Variants in PLCXD3 observed in about 807,000 individuals in gnomAD.
PLCXD3 encodes the protein phosphatidylinositol specific phospholipase C X domain containing 3.
A neutral mutation model predicts 25.5 loss-of-function variants in PLCXD3; 19 were observed. The observed-to-expected ratio is 0.75, with a 90% CI of 0.52 to 1.09. The LOEUF is 1.09. Among genes scored for constraint, PLCXD3 ranks in the 50% least tolerant of loss-of-function variants. The pLI is 0.00. For missense variants in PLCXD3, 411 were observed against 388.1 expected (o/e 1.06, Z -0.50); for synonymous variants, 174 against 137.6 (o/e 1.26, Z -1.85).
intron 1 of PLCXD3, among the ~76,000 whole-genome samples, chr5:41,437,113 T>C (rs893751657): frequency 6.6e-6 from 1 of 152,214 alleles, no homozygotes; most frequent in African/African-American, 2.4e-5. Flanking sequence ...TCTTATCTTT[T>C]ATTTAATAAA....
rs554815028 is a variant in PLCXD3, at chr5:41,386,032, C to A, written c.104-3498G>T. On this transcript the variant is annotated intron_variant, in intron 1 of 2. Coordinates refer to ENST00000377801, the MANE Select transcript of PLCXD3 (RefSeq NM_001005473.3). ...TACACAGAAACTCTGTGTTGTTTTA[C>A]GCCACTAAATTCAGGGGTAATTGGT... is the stretch of plus-strand genomic sequence containing the variant. 1.9e-4 allele frequency among the ~76,000 whole-genome samples: 29 copies of A among 152,154 alleles called. 1 individual carries two copies. The South Asian group carries it at 5.8e-3, about 30-fold the overall frequency.
In PLCXD3 at chr5:41,313,642, A is replaced by G; in HGVS notation, c.941T>C (p.Phe314Ser). ...ISTVIKLNYV[F>S]DEGEANT ...TCAAGTGTTGGCTTCTCCTTCATCA[A>G]AGACATAGTTGAGCTTTATGACAGT... is the stretch of plus-strand genomic sequence containing the variant. The change falls in exon 3 of 3, where the codon TTT becomes TCT. Residue 314 changes from phenylalanine (F) to serine (S), a missense_variant. By Grantham distance (155) the Phe-to-Ser change is radical (BLOSUM62 -2). Coordinates refer to ENST00000377801, the MANE Select transcript of PLCXD3 (RefSeq NM_001005473.3). 1 of 1,613,856 alleles carries G rather than the reference A, an allele frequency of 6.2e-7. No individual in the cohort carries two copies. Among genetic ancestry groups the G allele is most frequent in the Non-Finnish European group, 8.5e-7 (1 of 1,179,820 alleles).
Position 41,382,139 on chromosome 5 carries a change from C to T in PLCXD3, c.499G>A (p.Gly167Arg). 1 of 1,613,660 alleles carries T rather than the reference C, an allele frequency of 6.2e-7. No individual in the cohort carries two copies. The highest frequency in any genetic ancestry group is 1.1e-5 in the South Asian group (1 of 91,066). ...AAAATCGCTGGGCACATTTTATTTC[C>T]ATAGATGTCTTTCAGCATTTGGACC... is the stretch of plus-strand genomic sequence containing the variant. ...KLVQMLKDIY[G>R]NKMCPAIFAQ... Residue 167 changes from glycine (G) to arginine (R), a missense_variant, in exon 2 of 3, where the codon GGA (glycine) becomes AGA (arginine). Coordinates refer to ENST00000377801, the MANE Select transcript of PLCXD3 (RefSeq NM_001005473.3).
At chr5:41,453,057 C>T (rs1747672394) in intron 1 of PLCXD3, among the ~76,000 whole-genome samples, 1 of 151,864 alleles carries the variant, frequency 6.6e-6, no homozygotes, top group Admixed American at 6.6e-5. Flanking sequence ...AAGTATACAA[C>T]ACACTGTAAT....
chr5:41,329,492 G>A (rs1037517059), intron 2 of PLCXD3, among the ~76,000 whole-genome samples: 3 of 152,182 alleles, frequency 2.0e-5, no homozygotes, highest in Non-Finnish European at 2.9e-5. Context: ...AGTATATGCA[G>A]TAACATAATT....
chr5:41,488,573 C>A (rs1301847526), intron 1 of PLCXD3, among the ~76,000 whole-genome samples: 1 of 143,700 alleles, frequency 7.0e-6, no homozygotes, highest in East Asian at 2.0e-4. Flanking sequence ...TATTTCTCCA[C>A]ATCCTCTCCA....
At chr5:41,375,578 C>T (rs1278535057) in intron 2 of PLCXD3, among the ~76,000 whole-genome samples, 1 of 152,134 alleles carries the variant, frequency 6.6e-6, no homozygotes, top group Non-Finnish European at 1.5e-5. Context: ...GCCCAGTCAT[C>T]TCTAACTCCC....
intron 1 of PLCXD3, among the ~76,000 whole-genome samples, chr5:41,509,555 G>A (rs1247524246): frequency 6.6e-6 from 1 of 152,124 alleles, no homozygotes; most frequent in Non-Finnish European, 1.5e-5. Context: ...TCTCTTCCTC[G>A]CTTTGTCCAC....
At chr5:41,464,061 T>C (rs1041462253) in intron 1 of PLCXD3, among the ~76,000 whole-genome samples, 1 of 152,038 alleles carries the variant, frequency 6.6e-6, no homozygotes, top group Non-Finnish European at 1.5e-5. Flanking sequence ...ATTTATCTAA[T>C]TGCCACTCAC....
intron 2 of PLCXD3, among the ~76,000 whole-genome samples, chr5:41,315,825 G>A (rs566284649): frequency 6.6e-6 from 1 of 152,168 alleles, no homozygotes; most frequent in Non-Finnish European, 1.5e-5. Context: ...ACCTAACTCA[G>A]CGGACGCCCA....
intron 1 of PLCXD3, among the ~76,000 whole-genome samples, chr5:41,459,981 C>A (rs1300604664): frequency 6.6e-6 from 1 of 151,826 alleles, no homozygotes; most frequent in East Asian, 1.9e-4. Flanking sequence ...AGATAAAGCA[C>A]CAAGAAACAA....
intron 2 of PLCXD3, among the ~76,000 whole-genome samples, chr5:41,342,296 G>A (rs547822621): frequency 6.6e-6 from 1 of 152,296 alleles, no homozygotes; most frequent in East Asian, 1.9e-4. Context: ...CAGAGGTGCT[G>A]TTTTAGGTGT....
In PLCXD3 at chr5:41,373,439, A is replaced by C. The variant is rs1745187849; in HGVS notation, c.812+8387T>G. Among the ~76,000 whole-genome samples, 4 of 152,168 alleles carry C rather than the reference A, an allele frequency of 2.6e-5. 1 individual carries two copies. The South Asian group carries it at 8.3e-4, about 32-fold the overall frequency. On this transcript the variant is annotated intron_variant, in intron 2 of 2. Transcript: ENST00000377801. ...ATAAATGCAAACGTCCCATTTTGTG[A>C]ATATTCATAGATTCTTCTGTAAACT...
chr5:41,458,124 C>T (rs981031975), intron 1 of PLCXD3, among the ~76,000 whole-genome samples: 2 of 151,802 alleles, frequency 1.3e-5, no homozygotes, highest in Non-Finnish European at 2.9e-5. Context: ...TTTCCCTACT[C>T]CCTCATCCCA....
chr5:41,493,442 A>G (rs1580401654), intron 1 of PLCXD3, among the ~76,000 whole-genome samples: 1 of 152,326 alleles, frequency 6.6e-6, no homozygotes, highest in Non-Finnish European at 1.5e-5. Flanking sequence ...GCATACTGGG[A>G]GAACCACTGC....
chr5:41,391,562 C>G (rs1221020384), intron 1 of PLCXD3, among the ~76,000 whole-genome samples: 2 of 152,160 alleles, frequency 1.3e-5, no homozygotes, highest in Non-Finnish European at 2.9e-5. Context: ...CAGTGATATC[C>G]GGGTACTACA....
At chr5:41,394,686 G>T (rs546108085) in intron 1 of PLCXD3, among the ~76,000 whole-genome samples, 2 of 152,160 alleles carry the variant, frequency 1.3e-5, no homozygotes, top group African/African-American at 4.8e-5. Context: ...AGACAAAATG[G>T]ACTTCAAGAC....
chr5:41,313,552 C>T lies in PLCXD3; in HGVS notation c.*65G>A, dbSNP rs73075970. The T allele has an allele frequency of 6.8e-3, 10,807 of 1,585,360 alleles. 644 individuals are homozygous for T. The African/African-American group carries it at 0.13, about 19-fold the overall frequency. On this transcript the variant is annotated 3_prime_UTR_variant, in exon 3 of 3. Transcript: ENST00000377801. ...TGGAATAGGAAGATCAGAGTGTTTACAGATAGTATGCCCTAATACAATGAG... is the reference window on the plus strand; with the variant it reads ...TGGAATAGGAAGATCAGAGTGTTTATAGATAGTATGCCCTAATACAATGAG...
chr5:41,470,729 G>T (rs1489709343), intron 1 of PLCXD3, among the ~76,000 whole-genome samples: 1 of 152,008 alleles, frequency 6.6e-6, no homozygotes, highest in South Asian at 2.1e-4. Flanking sequence ...ACAGGAAAAA[G>T]ACTAGAATAT....
Sources: allele counts gnomAD v4.1 joint callset (sites outside exome capture counted in the v4.1 genomes callset), GRCh38; gene constraint gnomAD v4.1.1; transcripts MANE v1.5; gene names NCBI Gene and HGNC (gene_info 2026-07-23, HGNC 2026-07-21).